The following TEKT5 variants were observed in gnomAD, a reference collection of about 807,000 sequenced individuals.
TEKT5 encodes the protein tektin-5.
TEKT5 carries 52 observed loss-of-function variants against 48.7 expected under a neutral mutation model. That is an observed-to-expected ratio of 1.07 (90% CI 0.86 to 1.35). The LOEUF (loss-of-function observed/expected upper bound fraction) is 1.35. Ranked by LOEUF, TEKT5 falls within the 40% of genes most tolerant of loss-of-function variation. TEKT5 has a pLI of 0.00. For synonymous variants in TEKT5, 318 were observed against 267.6 expected (o/e 1.19, Z -1.84); for missense variants, 831 against 641.6 (o/e 1.30, Z -3.19).
chr16:10,692,095 C>T (rs1400035562), intron 1 of TEKT5, among the ~76,000 whole-genome samples: 1 of 152,108 alleles, frequency 6.6e-6, no homozygotes, highest in African/African-American at 2.4e-5. Context: ...ATTGTGGGGG[C>T]AGCCTAGGAG....
chr16:10,672,092 T>C (rs1284541296), intron 5 of TEKT5, among the ~76,000 whole-genome samples: 1 of 152,192 alleles, frequency 6.6e-6, no homozygotes, highest in Non-Finnish European at 1.5e-5. Flanking sequence ...ATTGTGGTGA[T>C]GGATGCACAA....
At chr16:10,663,632 G>C (rs1231172078) in intron 5 of TEKT5, among the ~76,000 whole-genome samples, 1 of 152,152 alleles carries the variant, frequency 6.6e-6, no homozygotes, top group Non-Finnish European at 1.5e-5. Context: ...CCAGAGCTGG[G>C]ACTCTCAACC....
At chr16:10,641,085 A>C (rs1363366306) in intron 5 of TEKT5, among the ~76,000 whole-genome samples, 1 of 152,134 alleles carries the variant, frequency 6.6e-6, no homozygotes, top group African/African-American at 2.4e-5. Context: ...TTTCATTCCC[A>C]CCAGCAGTAT....
intron 4 of TEKT5, among the ~76,000 whole-genome samples, chr16:10,680,181 G>A (rs981952386): frequency 5.3e-5 from 8 of 152,250 alleles, no homozygotes; most frequent in African/African-American, 1.9e-4. Flanking sequence ...CCAGTGCCAT[G>A]GAGGAGAGCA....
intron 3 of TEKT5, among the ~76,000 whole-genome samples, chr16:10,683,940 T>A (rs1898806993): frequency 6.6e-6 from 1 of 152,256 alleles, no homozygotes; most frequent in African/African-American, 2.4e-5. Flanking sequence ...AAGGAAAATT[T>A]ACATCCCTGT....
intron 5 of TEKT5, among the ~76,000 whole-genome samples, chr16:10,667,262 G>C (rs571077552): frequency 6.6e-6 from 1 of 152,240 alleles, no homozygotes; most frequent in East Asian, 1.9e-4. Context: ...GGGATTACAG[G>C]CATGAGCCAC....
chr16:10,694,808 G>A lies in TEKT5; in HGVS notation c.66C>T (p.Thr22=), dbSNP rs1412753883. 6.2e-6 allele frequency: 10 copies of A among 1,609,916 alleles called. No individual in the cohort carries two copies. Among genetic ancestry groups the A allele is most frequent in the East Asian group, 2.2e-5 (1 of 44,856 alleles). Residue 22 remains threonine (T), a synonymous_variant, in exon 1 of 7, where the codon ACC becomes ACT. Coordinates refer to ENST00000283025, the MANE Select transcript of TEKT5 (RefSeq NM_144674.2). ...YCGPKKCCGL[T]SLPAVQAPVI... is the part of the protein sequence containing the mutation. ...CTGGCGCCTGTACAGCTGGCAGTGA[G>A]GTCAAGCCACAGCATTTCTTGGGAC...
intron 4 of TEKT5, among the ~76,000 whole-genome samples, chr16:10,679,682 G>C (rs1898710468): frequency 6.6e-6 from 1 of 151,936 alleles, no homozygotes; most frequent in African/African-American, 2.4e-5. Flanking sequence ...ATCACCTAAG[G>C]TCAGGAGTTT....
intron 5 of TEKT5, 82 bp from the exon 6 acceptor site, chr16:10,636,000 C>G: frequency 6.4e-7 from 1 of 1,559,984 alleles, no homozygotes; most frequent in South Asian, 1.2e-5. Context: ...AGCAAGTCAG[C>G]TAGGTCAGCC....
chr16:10,662,831 T>C (rs747236084), intron 5 of TEKT5, among the ~76,000 whole-genome samples: 7 of 152,226 alleles, frequency 4.6e-5, no homozygotes, highest in Non-Finnish European at 1.0e-4. Flanking sequence ...TTTCCTCATC[T>C]GTAAAACAGG....
rs1238640437 is a variant in TEKT5, at chr16:10,694,562, C to T, written c.312G>A (p.Gly104=). 4 of 1,602,774 alleles carry T rather than the reference C, an allele frequency of 2.5e-6. No homozygotes were observed. The East Asian group carries it at 8.9e-5, about 36-fold the overall frequency. ...TGGCCCACAGCCGGGAGGCCTCGGC[C>T]CCACGCACCTGCAGCTGGTTGGACT... ...WDQSNQLQVR[G]AEASRLWASR... is the part of the protein sequence containing the mutation. Residue 104 remains glycine (G), a synonymous_variant, in exon 1 of 7, where the codon GGG becomes GGA. Transcript: ENST00000283025.
At chr16:10,663,889 G>A (rs540983888) in intron 5 of TEKT5, among the ~76,000 whole-genome samples, 5 of 152,332 alleles carry the variant, frequency 3.3e-5, no homozygotes, top group East Asian at 1.9e-4. Context: ...GCTCGCAGCC[G>A]TTTCTCTCAA....
rs748278777 is a variant in TEKT5 at position 10,694,844 on chromosome 16, G to A, written c.30C>T (p.Ala10=). Residue 10 remains alanine (A), a synonymous_variant, in exon 1 of 7, where the codon GCC becomes GCT. Coordinates refer to ENST00000283025, the MANE Select transcript of TEKT5 (RefSeq NM_144674.2). The part of the protein sequence containing the change: MEFLGTTQT[A]SYCGPKKCCG... ...AGCATTTCTTGGGACCACAGTAACT[G>A]GCGGTCTGAGTAGTCCCAAGAAACT... The A allele has an allele frequency of 3.1e-6, 5 of 1,589,596 alleles. No individual in the cohort carries two copies. The highest frequency in any genetic ancestry group is 4.3e-6 in the Non-Finnish European group (5 of 1,169,186).
intron 5 of TEKT5, among the ~76,000 whole-genome samples, chr16:10,663,226 T>C (rs1487397609): frequency 6.6e-6 from 1 of 152,202 alleles, no homozygotes; most frequent in African/African-American, 2.4e-5. Context: ...CCAACAGCTC[T>C]GAAAGCAGAG....
At chr16:10,679,666 G>A (rs147242104) in intron 4 of TEKT5, among the ~76,000 whole-genome samples, 174 of 152,072 alleles carry the variant, frequency 1.1e-3, no homozygotes, top group African/African-American at 3.8e-3. Context: ...AGGCCGAGGC[G>A]GGCAGATCAC....
chr16:10,652,057 C>T (rs558009065), intron 5 of TEKT5, among the ~76,000 whole-genome samples: 6 of 152,338 alleles, frequency 3.9e-5, no homozygotes, highest in Non-Finnish European at 8.8e-5. Flanking sequence ...GGCCAATGTC[C>T]TATCCTCTCT....
intron 4 of TEKT5, among the ~76,000 whole-genome samples, chr16:10,681,449 C>G (rs1898749222): frequency 6.6e-6 from 1 of 152,036 alleles, no homozygotes; most frequent in African/African-American, 2.4e-5. Context: ...TGGCCTCAGG[C>G]AATCCTCCAG....
chr16:10,685,443 A>C (rs1898846885), intron 3 of TEKT5, among the ~76,000 whole-genome samples: 1 of 152,038 alleles, frequency 6.6e-6, no homozygotes, highest in Non-Finnish European at 1.5e-5. Context: ...GGGATTAGAG[A>C]CATGTGTCAC....
intron 3 of TEKT5, among the ~76,000 whole-genome samples, chr16:10,687,234 G>A (rs1898877612): frequency 6.6e-6 from 1 of 152,104 alleles, no homozygotes; most frequent in African/African-American, 2.4e-5. Flanking sequence ...CAAAAAATAA[G>A]TATGTGAGGT....
Sources: gnomAD v4.1 joint callset for allele counts (sites outside exome capture counted in the v4.1 genomes callset) on GRCh38, gnomAD v4.1.1 for gene constraint, MANE v1.5 for transcripts, NCBI Gene and HGNC (gene_info 2026-07-23, HGNC 2026-07-21) for gene names.